Variants in RGS5 observed in about 807,000 individuals in gnomAD.
RGS5 encodes regulator of G protein signaling 5, also known as regulator of G-protein signalling 5.
A neutral mutation model predicts 18.9 loss-of-function variants in RGS5; 20 were observed. The ratio of observed to expected loss-of-function variants is 1.06; its 90% CI spans 0.74 to 1.54. The LOEUF is 1.54. Among genes scored for constraint, RGS5 ranks in the 40% most tolerant of loss-of-function variants. The pLI is 0.00. For missense variants in RGS5, 201 were observed against 211.8 expected (o/e 0.95, Z 0.32); for synonymous variants, 57 against 76.2 (o/e 0.75, Z 1.31).
intron 2 of RGS5, among the ~76,000 whole-genome samples, chr1:163,294,980 A>G (rs1024002009): frequency 1.3e-5 from 2 of 152,182 alleles, no homozygotes; most frequent in African/African-American, 4.8e-5. Context: ...CCAGCTCCCA[A>G]TAAGTTCCTA....
chr1:163,302,232 A>C (rs1459659496), intron 2 of RGS5, among the ~76,000 whole-genome samples: 1 of 152,196 alleles, frequency 6.6e-6, no homozygotes, highest in Non-Finnish European at 1.5e-5. Flanking sequence ...CCAGGTATAC[A>C]GTGGTACTTA....
chr1:163,157,722 G>GAAGTA (rs11281942), intron 3 of RGS5, among the ~76,000 whole-genome samples: 1 of 151,394 alleles, frequency 6.6e-6, no homozygotes, highest in Admixed American at 6.6e-5. Flanking sequence ...AAGAGATGGT[G>GAAGTA]GTTTGTCTTG....
chr1:163,200,366 A>G (rs759574032), intron 1 of RGS5, among the ~76,000 whole-genome samples: 3 of 152,138 alleles, frequency 2.0e-5, no homozygotes, highest in Non-Finnish European at 4.4e-5. Flanking sequence ...TTGTTGCCCT[A>G]ATTTATTTTA....
intron 2 of RGS5, among the ~76,000 whole-genome samples, chr1:163,164,862 C>T (rs944011251): frequency 5.9e-5 from 9 of 152,230 alleles, no homozygotes; most frequent in African/African-American, 1.9e-4. Flanking sequence ...TTTTAATCTG[C>T]GCAGTGCCTG....
chr1:163,283,572 A>G (rs146049367), intron 2 of RGS5, among the ~76,000 whole-genome samples: 1 of 152,278 alleles, frequency 6.6e-6, no homozygotes, highest in African/African-American at 2.4e-5. Flanking sequence ...CCGTGAGTGT[A>G]TGTAGAATCC....
chr1:163,198,712 G>A (rs2101657328), intron 1 of RGS5, among the ~76,000 whole-genome samples: 1 of 152,214 alleles, frequency 6.6e-6, no homozygotes, highest in South Asian at 2.1e-4. Context: ...GCTCACTATA[G>A]CCTCAGACTC....
At chr1:163,283,627 T>C (rs1007966703) in intron 2 of RGS5, among the ~76,000 whole-genome samples, 18 of 152,258 alleles carry the variant, frequency 1.2e-4, no homozygotes, top group African/African-American at 4.1e-4. Flanking sequence ...GGTGATGGGA[T>C]GTCACTCTCA....
intron 1 of RGS5, among the ~76,000 whole-genome samples, chr1:163,197,601 A>G (rs1659615558): frequency 1.3e-5 from 2 of 152,164 alleles, no homozygotes; most frequent in South Asian, 4.1e-4. Context: ...AAGGCAATCT[A>G]GAGAAATCAC....
intron 1 of RGS5, among the ~76,000 whole-genome samples, chr1:163,174,987 G>T (rs1255074863): frequency 6.6e-6 from 1 of 152,142 alleles, no homozygotes; most frequent in African/African-American, 2.4e-5. Flanking sequence ...TGTCGCAGAT[G>T]CCCCCTGCTG....
intron 2 of RGS5, among the ~76,000 whole-genome samples, chr1:163,290,497 A>C (rs1438651544): frequency 6.6e-6 from 1 of 152,158 alleles, no homozygotes; most frequent in Admixed American, 6.5e-5. Context: ...TTTATAGAGA[A>C]GTTTCTTTAG....
chr1:163,266,747 C>T (rs1202685629), intron 2 of RGS5: 1 of 152,042 alleles, frequency 6.6e-6, no homozygotes, highest in African/African-American at 2.4e-5. Context: ...ATCTTTGATA[C>T]TTCACTGCAT....
intron 1 of RGS5, among the ~76,000 whole-genome samples, chr1:163,199,494 C>A (rs376550548): frequency 2.6e-5 from 4 of 152,124 alleles, no homozygotes; most frequent in Non-Finnish European, 5.9e-5. Context: ...TTACTTTATG[C>A]GGCAGATTTT....
intron 1 of RGS5, among the ~76,000 whole-genome samples, chr1:163,213,751 T>A (rs1334223918): frequency 1.3e-5 from 2 of 152,180 alleles, no homozygotes; most frequent in Non-Finnish European, 2.9e-5. Flanking sequence ...AATCTTCCAT[T>A]CACTGTGTCA....
intron 1 of RGS5, among the ~76,000 whole-genome samples, chr1:163,201,813 G>T (rs1470456197): frequency 6.6e-6 from 1 of 152,102 alleles, no homozygotes; most frequent in Non-Finnish European, 1.5e-5. Flanking sequence ...GACAAACACT[G>T]CTAATGCCTT....
At chr1:163,298,168 A>G (rs1342148430) in intron 2 of RGS5, among the ~76,000 whole-genome samples, 4 of 152,180 alleles carry the variant, frequency 2.6e-5, no homozygotes, top group Non-Finnish European at 5.9e-5. Context: ...AATATGAAAT[A>G]TGTATTTTAT....
At chr1:163,255,848 C>T (rs1461845418) in intron 2 of RGS5, among the ~76,000 whole-genome samples, 1 of 151,924 alleles carries the variant, frequency 6.6e-6, no homozygotes, top group Non-Finnish European at 1.5e-5. Context: ...TAAACAGAAC[C>T]AAAGACAAAA....
At chr1:163,159,803 CATACACATAT>C (rs1040905167) in intron 3 of RGS5, among the ~76,000 whole-genome samples, 1 of 152,080 alleles carries the variant, frequency 6.6e-6, no homozygotes, top group Non-Finnish European at 1.5e-5. Context: ...ATACATACTA[CATACACATAT>C]ATACACATAT....
intron 2 of RGS5, among the ~76,000 whole-genome samples, chr1:163,233,777 TGTATC>T (rs909504164): frequency 1.3e-5 from 2 of 151,708 alleles, no homozygotes; most frequent in African/African-American, 4.8e-5. Flanking sequence ...GTGGGGAGGG[TGTATC>T]GTACAAAGTA....
At chr1:163,162,258 G>T (rs1478778851) in intron 2 of RGS5, among the ~76,000 whole-genome samples, 1 of 152,118 alleles carries the variant, frequency 6.6e-6, no homozygotes, top group Non-Finnish European at 1.5e-5. Context: ...GCTGTGTCTT[G>T]ATAGTCTTAT....
Sources: gnomAD v4.1 joint callset for allele counts (sites outside exome capture counted in the v4.1 genomes callset) on GRCh38, gnomAD v4.1.1 for gene constraint, MANE v1.5 for transcripts, NCBI Gene and HGNC (gene_info 2026-07-23, HGNC 2026-07-21) for gene names.